FRMD4A: variants seen among roughly 807,000 people sequenced by gnomAD.
The protein encoded by FRMD4A is FERM domain containing 4A.
FRMD4A carries 29 observed loss-of-function variants against 129.1 expected under a neutral mutation model. That is an observed-to-expected ratio of 0.22 (90% CI 0.17 to 0.31). The LOEUF (loss-of-function observed/expected upper bound fraction) is 0.31, where lower values mean the gene tolerates loss of function less well. Ranked by LOEUF, FRMD4A falls within the 10% of genes least tolerant of loss-of-function variation. The pLI is 1.00. For missense variants in FRMD4A, 1,272 were observed against 1,375.8 expected (o/e 0.92, Z 1.19); for synonymous variants, 634 against 571.6 (o/e 1.11, Z -1.56).
chr10:13,954,785 G>C (rs558507496), intron 2 of FRMD4A, among the ~76,000 whole-genome samples: 4 of 152,278 alleles, frequency 2.6e-5, no homozygotes, highest in African/African-American at 9.6e-5. Flanking sequence ...CCACTGGCTT[G>C]GGTTCAAAAC....
intron 2 of FRMD4A, among the ~76,000 whole-genome samples, chr10:14,288,070 C>T (rs1006361867): frequency 3.9e-5 from 6 of 152,168 alleles, no homozygotes; most frequent in African/African-American, 1.4e-4. Flanking sequence ...TGAAAAGACA[C>T]TGGCCCTGAG....
Position 14,001,756 on chromosome 10 carries a change from A to G in FRMD4A, c.46-142844T>C, listed in dbSNP as rs574088239. Reference sequence around the variant, plus strand: ...GTGTTCTTTTTCTCCAGAGAGGCGTATATTTATAGAAGGAACAAAACCCCA... The same window carrying G: ...GTGTTCTTTTTCTCCAGAGAGGCGTGTATTTATAGAAGGAACAAAACCCCA... On this transcript the variant is annotated intron_variant, in intron 2 of 24. Coordinates refer to ENST00000357447, the MANE Select transcript of FRMD4A (RefSeq NM_018027.5). Among the ~76,000 whole-genome samples, 24 of 152,314 alleles carry G rather than the reference A, an allele frequency of 1.6e-4. No homozygotes were observed. In the South Asian group the frequency reaches 3.9e-3, roughly 25 times the overall value.
intron 2 of FRMD4A, among the ~76,000 whole-genome samples, chr10:14,028,749 G>A (rs1330688357): frequency 6.6e-6 from 1 of 152,138 alleles, no homozygotes; most frequent in African/African-American, 2.4e-5. Flanking sequence ...GTGAGAATGA[G>A]GGAGGTATGT....
At chr10:14,192,973 A>G (rs944071162) in intron 2 of FRMD4A, among the ~76,000 whole-genome samples, 4 of 152,242 alleles carry the variant, frequency 2.6e-5, no homozygotes, top group Non-Finnish European at 5.9e-5. Context: ...AAAAAGAAAT[A>G]AAGAGTAACA....
At chr10:14,005,261 A>G (rs1160422771) in intron 2 of FRMD4A, among the ~76,000 whole-genome samples, 1 of 152,056 alleles carries the variant, frequency 6.6e-6, no homozygotes, top group African/African-American at 2.4e-5. Context: ...TGACCTCGTG[A>G]TCCGACCAGC....
intron 2 of FRMD4A, among the ~76,000 whole-genome samples, chr10:14,313,580 G>A (rs1336610015): frequency 2.6e-5 from 4 of 151,940 alleles, no homozygotes; most frequent in Non-Finnish European, 5.9e-5. Context: ...TTTTCTTTTT[G>A]ATCATTAGAT....
At chr10:14,132,948 G>A (rs951394444) in intron 2 of FRMD4A, among the ~76,000 whole-genome samples, 7 of 152,184 alleles carry the variant, frequency 4.6e-5, no homozygotes, top group Non-Finnish European at 7.3e-5. Context: ...CTAAAGACAA[G>A]GCAGCCATCC....
At chr10:13,913,850 A>C (rs765537748) in intron 2 of FRMD4A, among the ~76,000 whole-genome samples, 8 of 152,222 alleles carry the variant, frequency 5.3e-5, no homozygotes, top group Non-Finnish European at 7.3e-5. Context: ...GGAGTTTGAC[A>C]ATGAACAAAT....
intron 2 of FRMD4A, among the ~76,000 whole-genome samples, chr10:13,930,329 G>A (rs936029052): frequency 6.6e-6 from 1 of 152,160 alleles, no homozygotes; most frequent in African/African-American, 2.4e-5. Context: ...GTAATAAAGA[G>A]GTGACGAGTG....
chr10:13,724,098 A>C (rs180925040), intron 12 of FRMD4A, among the ~76,000 whole-genome samples: 38 of 152,272 alleles, frequency 2.5e-4, no homozygotes, highest in Non-Finnish European at 5.9e-5. Context: ...GAGATAAAAG[A>C]GATTTGTCAG....
At chr10:14,086,175 G>A (rs933852385) in intron 2 of FRMD4A, among the ~76,000 whole-genome samples, 1 of 152,076 alleles carries the variant, frequency 6.6e-6, no homozygotes, top group Non-Finnish European at 1.5e-5. Context: ...ATGGAGAAGG[G>A]GCTATGCTGA....
chr10:13,768,335 T>C (rs2092353104), intron 6 of FRMD4A, among the ~76,000 whole-genome samples: 1 of 152,204 alleles, frequency 6.6e-6, no homozygotes, highest in African/African-American at 2.4e-5. Flanking sequence ...CCAAGAGTCC[T>C]GAGAGCCGGA....
intron 6 of FRMD4A, among the ~76,000 whole-genome samples, chr10:13,777,479 T>C (rs1419445617): frequency 2.6e-5 from 4 of 152,174 alleles, no homozygotes; most frequent in African/African-American, 9.7e-5. Flanking sequence ...TGGTCATTTA[T>C]GTGCCCAAGC....
intron 12 of FRMD4A, among the ~76,000 whole-genome samples, chr10:13,718,315 T>C (rs1329082507): frequency 6.6e-6 from 1 of 152,254 alleles, no homozygotes; most frequent in Non-Finnish European, 1.5e-5. Context: ...GAAGGAACGC[T>C]TGCGGTCTCG....
At chr10:14,158,406 C>T (rs990891639) in intron 2 of FRMD4A, among the ~76,000 whole-genome samples, 4 of 152,062 alleles carry the variant, frequency 2.6e-5, no homozygotes, top group East Asian at 1.9e-4. Flanking sequence ...AAGCCAGGAG[C>T]GCAAGACAAG....
chr10:14,139,159 G>T (rs1250911860), intron 2 of FRMD4A, among the ~76,000 whole-genome samples: 3 of 152,226 alleles, frequency 2.0e-5, no homozygotes, highest in East Asian at 3.8e-4. Context: ...GAAGAAATGT[G>T]CATGGGGAAT....
rs1159793792 is a variant in FRMD4A at position 14,293,343 on chromosome 10, G to A, written c.45+36715C>T. ...AACACAAAGGCCCTCACCAGATGCC[G>A]GTGCCATGCTCTTGGACTTCCCAGC... On this transcript the variant is annotated intron_variant, in intron 2 of 24. Transcript: ENST00000357447. Among the ~76,000 whole-genome samples, 5 of 152,120 alleles carry A rather than the reference G, an allele frequency of 3.3e-5. No individual in the cohort carries two copies. The East Asian group carries it at 5.8e-4, about 18-fold the overall frequency.
intron 4 of FRMD4A, among the ~76,000 whole-genome samples, chr10:13,805,551 C>G (rs1032285019): frequency 2.6e-5 from 4 of 151,978 alleles, no homozygotes; most frequent in African/African-American, 9.7e-5. Flanking sequence ...TAGATTATGA[C>G]AATCATTAAT....
At chr10:13,746,359 C>T (rs776492429) in intron 9 of FRMD4A, among the ~76,000 whole-genome samples, 12 of 152,002 alleles carry the variant, frequency 7.9e-5, no homozygotes, top group African/African-American at 1.9e-4. Flanking sequence ...ACCAGGCGCG[C>T]GACATCATGT....
Sources: allele counts gnomAD v4.1 joint callset (sites outside exome capture counted in the v4.1 genomes callset), GRCh38; gene constraint gnomAD v4.1.1; transcripts MANE v1.5; gene names NCBI Gene and HGNC (gene_info 2026-07-23, HGNC 2026-07-21).